The following IFT43 variants were observed in gnomAD, a reference collection of about 807,000 sequenced individuals.
IFT43 encodes the protein intraflagellar transport 43.
IFT43 carries 33 observed loss-of-function variants against 32.3 expected under a neutral mutation model. The ratio of observed to expected loss-of-function variants is 1.02; its 90% CI spans 0.77 to 1.37. IFT43 has a LOEUF of 1.37. Among genes scored for constraint, IFT43 ranks in the 40% most tolerant of loss-of-function variants. The pLI is 0.00. For synonymous variants in IFT43, 93 were observed against 98.2 expected, an observed-to-expected ratio of 0.95 and a Z score of 0.31; for missense variants, 274 against 265.9, an observed-to-expected ratio of 1.03 and a Z score of -0.21.
chr14:76,082,272 G>A, intron 5 of IFT43, 23 bp from the exon 6 acceptor site: 1 of 1,610,292 alleles, frequency 6.2e-7, no homozygotes, highest in Non-Finnish European at 8.5e-7. Flanking sequence ...TGCAGACAGT[G>A]TTGCCTCTGC....
At chr14:76,054,457 A>G (rs1008599993) in intron 3 of IFT43, among the ~76,000 whole-genome samples, 2 of 152,230 alleles carry the variant, frequency 1.3e-5, no homozygotes, top group African/African-American at 4.8e-5. Context: ...GGAGACATGG[A>G]TTCTAGTTTC....
At chr14:76,063,217 G>C (rs915569498) in intron 5 of IFT43, among the ~76,000 whole-genome samples, 1 of 152,140 alleles carries the variant, frequency 6.6e-6, no homozygotes, top group African/African-American at 2.4e-5. Context: ...TCATAATGCA[G>C]TCTATGGCCA....
At chr14:76,027,803 T>A (rs1387784487) in intron 3 of IFT43, among the ~76,000 whole-genome samples, 1 of 152,090 alleles carries the variant, frequency 6.6e-6, no homozygotes. Flanking sequence ...TTTAATAATA[T>A]TTAATATATA....
intron 2 of IFT43, among the ~76,000 whole-genome samples, chr14:76,014,651 A>AG (rs147166152): frequency 0.014 from 2,134 of 152,168 alleles, 57 homozygotes; most frequent in African/African-American, 0.045. Context: ...TTGCCCATAA[A>AG]CTTCCTTGAC....
Position 76,077,634 on chromosome 14 carries a change from A to C in IFT43, c.296-4661A>C, listed in dbSNP as rs533320828. Among the ~76,000 whole-genome samples the C allele has an allele frequency of 2.6e-4, 40 of 152,234 alleles. No homozygotes were observed. The South Asian group carries it at 7.5e-3, about 28-fold the overall frequency. On this transcript the variant is annotated intron_variant, in intron 5 of 8. Transcript: ENST00000314067. The stretch of plus-strand genomic sequence containing the variant: ...ACGAATAAAGTATTATGGAAGGATA[A>C]AGTAGGAAGCTCTTATTTCTGCTTG...
At chr14:76,040,426 T>G (rs961759368) in intron 3 of IFT43, among the ~76,000 whole-genome samples, 5 of 152,238 alleles carry the variant, frequency 3.3e-5, no homozygotes, top group Admixed American at 3.3e-4. Context: ...GCTTTAGATA[T>G]GGTACACATA....
intron 3 of IFT43, among the ~76,000 whole-genome samples, chr14:76,049,303 A>G (rs1240360592): frequency 6.6e-6 from 1 of 152,188 alleles, no homozygotes; most frequent in Non-Finnish European, 1.5e-5. Context: ...TGATCATGCC[A>G]ATGGAAAAGT....
chr14:76,082,599 G>C lies in IFT43; in HGVS notation c.369-18G>C. The C allele has an allele frequency of 1.9e-6, 3 of 1,614,020 alleles. No homozygotes were observed. On this transcript the variant is annotated intron_variant, in intron 6 of 8. Coordinates refer to ENST00000314067, the MANE Select transcript of IFT43 (RefSeq NM_001102564.3). ...GTCCTGCCTGGGGTTCCCGCCTCTC[G>C]CTCTCTCTTTCCTTCAGCATCCAGA...
intron 3 of IFT43, among the ~76,000 whole-genome samples, chr14:76,031,112 ATT>A (rs2036503130): frequency 6.7e-6 from 1 of 149,594 alleles, no homozygotes; most frequent in African/African-American, 2.4e-5. Flanking sequence ...AAGTTTTTAT[ATT>A]TCTCCTCCTT....
At chr14:76,015,552 T>C (rs1161722102) in intron 2 of IFT43, among the ~76,000 whole-genome samples, 1 of 152,214 alleles carries the variant, frequency 6.6e-6, no homozygotes, top group Non-Finnish European at 1.5e-5. Flanking sequence ...TGGCTTCAGT[T>C]ATTAGTGAAA....
chr14:75,994,332 A>G (rs1283397158), intron 2 of IFT43, among the ~76,000 whole-genome samples: 1 of 152,034 alleles, frequency 6.6e-6, no homozygotes, highest in Non-Finnish European at 1.5e-5. Flanking sequence ...CAGGTAATTA[A>G]ACTCTTCTTC....
At chr14:76,043,417 AT>A (rs1348331691) in intron 3 of IFT43, among the ~76,000 whole-genome samples, 4 of 151,850 alleles carry the variant, frequency 2.6e-5, no homozygotes, top group African/African-American at 9.7e-5. Flanking sequence ...TTTTTAGGAA[AT>A]AGGAGCCACT....
chr14:75,993,047 A>G (rs919301479), intron 2 of IFT43, among the ~76,000 whole-genome samples: 7 of 152,160 alleles, frequency 4.6e-5, no homozygotes, highest in Non-Finnish European at 1.0e-4. Flanking sequence ...CATACTTCAT[A>G]GGATAGCTGG....
intron 2 of IFT43, among the ~76,000 whole-genome samples, chr14:76,004,899 C>G (rs1044709570): frequency 2.6e-5 from 4 of 151,724 alleles, no homozygotes; most frequent in Non-Finnish European, 2.9e-5. Flanking sequence ...TTTATTTTTC[C>G]CCATCTGTTT....
At chr14:76,014,123 A>G in intron 2 of IFT43, 1 of 277,870 alleles carries the variant, frequency 3.6e-6, no homozygotes, top group Non-Finnish European at 7.4e-6. Flanking sequence ...AAGAAATATG[A>G]GGAAAAGCGA....
chr14:76,044,215 T>C (rs1029217758), intron 3 of IFT43, among the ~76,000 whole-genome samples: 1 of 152,122 alleles, frequency 6.6e-6, no homozygotes, highest in African/African-American at 2.4e-5. Context: ...AATTGTTGTA[T>C]TTTTAATAAA....
chr14:75,998,812 A>G (rs562883836), intron 2 of IFT43, among the ~76,000 whole-genome samples: 1 of 152,334 alleles, frequency 6.6e-6, no homozygotes, highest in South Asian at 2.1e-4. Flanking sequence ...TGACTAGGCT[A>G]TGACATGTAC....
At chr14:76,079,278 G>T (rs1023531257) in intron 5 of IFT43, among the ~76,000 whole-genome samples, 1 of 152,210 alleles carries the variant, frequency 6.6e-6, no homozygotes, top group African/African-American at 2.4e-5. Flanking sequence ...TCACTGGGCA[G>T]GAGAAAATGA....
At chr14:75,998,167 ATC>A (rs1316652888) in intron 2 of IFT43, among the ~76,000 whole-genome samples, 2 of 152,116 alleles carry the variant, frequency 1.3e-5, no homozygotes, top group Non-Finnish European at 2.9e-5. Context: ...ATTTAGTTTC[ATC>A]TCTCTGACCA....
Sources: allele counts gnomAD v4.1 joint callset (sites outside exome capture counted in the v4.1 genomes callset), GRCh38; gene constraint gnomAD v4.1.1; transcripts MANE v1.5; gene names NCBI Gene and HGNC (gene_info 2026-07-23, HGNC 2026-07-21).